SLC17A1: variants seen among roughly 807,000 people sequenced by gnomAD.
The protein encoded by SLC17A1 is sodium-dependent phosphate transport protein 1.
In SLC17A1, 51 loss-of-function variants were observed where a neutral mutation model predicts 53.5. The ratio of observed to expected loss-of-function variants is 0.95; its 90% CI spans 0.76 to 1.20. SLC17A1 has a LOEUF of 1.20. SLC17A1 is among the 50% of genes most tolerant of loss of function. SLC17A1 has a pLI of 0.00. For missense variants in SLC17A1, 538 were observed against 568.2 expected, an observed-to-expected ratio of 0.95 and a Z score of 0.54; for synonymous variants, 179 against 198.8, an observed-to-expected ratio of 0.90 and a Z score of 0.84.
chr6:25,724,893 T>TGACTG, the SLC17A1 span, among the ~76,000 whole-genome samples: 145,437 of 152,172 alleles, frequency 0.96, 69,676 homozygotes, highest in Non-Finnish European at 0.99. Context: ...GGTTAATTCA[T>TGACTG]ACTTTTGTAA....
chr6:25,737,350 G>T, the SLC17A1 span, among the ~76,000 whole-genome samples: 1 of 152,170 alleles, frequency 6.6e-6, no homozygotes, highest in South Asian at 2.1e-4. Context: ...AGTGGACTCA[G>T]CTTCAGGAAG....
At chr6:25,812,704 C>T (rs1018775222) in intron 8 of SLC17A1, 127 bp downstream of exon 8, 1 of 655,962 alleles carries the variant, frequency 1.5e-6, no homozygotes, top group Admixed American at 3.0e-5. Context: ...CAGTTAGTTT[C>T]CAGGTGAAGA....
intron 10 of SLC17A1, among the ~76,000 whole-genome samples, chr6:25,811,125 T>C (rs1026538243): frequency 6.6e-6 from 1 of 152,168 alleles, no homozygotes; most frequent in Admixed American, 6.5e-5. Flanking sequence ...CCAAATTTTA[T>C]TTATATATGA....
downstream of SLC17A1, chr6:25,782,860 T>C (rs1763295302): frequency 6.6e-6 from 1 of 152,106 alleles, no homozygotes; most frequent in Non-Finnish European, 1.5e-5. Context: ...ACATCTACAA[T>C]GAGAAAGAAT....
the SLC17A1 span, chr6:25,727,191 G>A: frequency 1.2e-6 from 2 of 1,614,184 alleles, no homozygotes; most frequent in African/African-American, 1.3e-5. Context: ...TTCTTCCAGA[G>A]AGATTCAGAC....
At chr6:25,797,316 AAAATTGCAC>A (rs1312940011) in intron 12 of SLC17A1, among the ~76,000 whole-genome samples, 2 of 152,190 alleles carry the variant, frequency 1.3e-5, no homozygotes, top group African/African-American at 4.8e-5. Flanking sequence ...AGAGACACAG[AAAATTGCAC>A]AAATATTTGG....
intron 11 of SLC17A1, among the ~76,000 whole-genome samples, chr6:25,800,447 G>A (rs1027173027): frequency 1.3e-5 from 2 of 152,060 alleles, no homozygotes; most frequent in Admixed American, 6.6e-5. Context: ...TTAAAAGGAA[G>A]ATTTCAGGTA....
chr6:25,726,763 C>A, the SLC17A1 span: 1 of 1,161,080 alleles, frequency 8.6e-7, no homozygotes, highest in Non-Finnish European at 1.2e-6. Context: ...CCGCATCTTT[C>A]ATCCTCCAGT....
chr6:25,743,604 GA>G, the SLC17A1 span, among the ~76,000 whole-genome samples: 1 of 152,130 alleles, frequency 6.6e-6, no homozygotes, highest in Non-Finnish European at 1.5e-5. Flanking sequence ...AGAATAATAT[GA>G]AATTCAATTA....
At chr6:25,726,574 T>TA in the SLC17A1 span, 37 of 1,568,066 alleles carry the variant, frequency 2.4e-5, no homozygotes, top group Non-Finnish European at 3.1e-5. Flanking sequence ...TTTCTAGGGC[T>TA]GCTACTGGGC....
At chr6:25,790,932 G>C (rs1763487089) in intron 12 of SLC17A1, among the ~76,000 whole-genome samples, 1 of 152,098 alleles carries the variant, frequency 6.6e-6, no homozygotes, top group African/African-American at 2.4e-5. Context: ...AGTTTTTTCA[G>C]TTAAAAAATT....
the SLC17A1 span, among the ~76,000 whole-genome samples, chr6:25,745,590 A>G: frequency 6.6e-6 from 1 of 152,178 alleles, no homozygotes; most frequent in Non-Finnish European, 1.5e-5. Flanking sequence ...TTTTCCCTTC[A>G]CTAAAAAACA....
the SLC17A1 span, among the ~76,000 whole-genome samples, chr6:25,755,736 T>G: frequency 2.6e-5 from 4 of 152,176 alleles, no homozygotes. Flanking sequence ...GACACAAAAC[T>G]TACCTGTCAA....
At chr6:25,790,127 A>C (rs1763469720) in intron 12 of SLC17A1, among the ~76,000 whole-genome samples, 1 of 152,146 alleles carries the variant, frequency 6.6e-6, no homozygotes. Context: ...GGAGATAAAA[A>C]ATAGAATTGC....
intron 10 of SLC17A1, among the ~76,000 whole-genome samples, chr6:25,808,201 G>A (rs1217439697): frequency 1.3e-5 from 2 of 151,764 alleles, no homozygotes; most frequent in African/African-American, 4.8e-5. Flanking sequence ...TATGATATGC[G>A]TTTCCCTGAT....
chr6:25,734,451 A>C, the SLC17A1 span, among the ~76,000 whole-genome samples: 5 of 152,214 alleles, frequency 3.3e-5, no homozygotes, highest in South Asian at 1.0e-3. Context: ...TTCTTCTTAG[A>C]CATTTAAGAA....
At chr6:25,820,829 G>A (rs1188087484) in intron 3 of SLC17A1, among the ~76,000 whole-genome samples, 1 of 150,080 alleles carries the variant, frequency 6.7e-6, no homozygotes, top group Admixed American at 6.7e-5. Flanking sequence ...AACCTGGGAG[G>A]TGGAGCTTGC....
At position 25,811,748 on chromosome 6, in the gene SLC17A1, G is replaced by T; in HGVS notation, c.920C>A (p.Pro307His). 1 of 1,613,724 alleles carries T rather than the reference G, an allele frequency of 6.2e-7. No homozygotes were observed. Among genetic ancestry groups the T allele is most frequent in the Non-Finnish European group, 8.5e-7 (1 of 1,179,732 alleles). Reference sequence around the variant, plus strand: ...ACCACAGATCCAGGCAAACAAATAGGGAAGGGAAGACAAGAACCCATTCTG... The same window carrying T: ...ACCACAGATCCAGGCAAACAAATAGTGAAGGGAAGACAAGAACCCATTCTG... ...IKENGFLSSLPYLFAWICGNL... is the reference protein window; with the variant it reads ...IKENGFLSSLHYLFAWICGNL... Residue 307 changes from proline (P) to histidine (H), a missense_variant, in exon 9 of 13, where the codon CCC (proline) becomes CAC (histidine). Coordinates refer to ENST00000244527, the MANE Select transcript of SLC17A1 (RefSeq NM_005074.5).
intron 3 of SLC17A1, 93 bp downstream of exon 3, chr6:25,826,368 A>G (rs1764739716): frequency 1.0e-6 from 1 of 997,110 alleles, no homozygotes. Context: ...TTTTTCAAAT[A>G]TAGTATCATA....
Sources: allele counts gnomAD v4.1 joint callset (sites outside exome capture counted in the v4.1 genomes callset), GRCh38; gene constraint gnomAD v4.1.1; transcripts MANE v1.5; gene names NCBI Gene and HGNC (gene_info 2026-07-23, HGNC 2026-07-21).